Variants in NUP58 observed in about 807,000 individuals in gnomAD.
NUP58 encodes nucleoporin p58/p45.
In NUP58, 17 loss-of-function variants were observed where a neutral mutation model predicts 70.1. The ratio of observed to expected loss-of-function variants is 0.24; its 90% CI spans 0.17 to 0.36. NUP58 has a LOEUF of 0.36. NUP58 is among the 10% of genes least tolerant of loss of function. The pLI is 1.00. For missense variants in NUP58, 644 were observed against 701.5 expected, an observed-to-expected ratio of 0.92 and a Z score of 0.93; for synonymous variants, 275 against 257.6, an observed-to-expected ratio of 1.07 and a Z score of -0.65.
chr13:25,332,119 G>C, intron 13 of NUP58: 5 of 990,394 alleles, frequency 5.0e-6, no homozygotes, highest in Non-Finnish European at 6.0e-6. Flanking sequence ...TTTTGAAGAT[G>C]ATACATGCTA....
chr13:25,305,129 G>GTTTT (rs1566054875), intron 1 of NUP58, among the ~76,000 whole-genome samples: 2 of 72,050 alleles, frequency 2.8e-5, no homozygotes, highest in African/African-American at 9.0e-5. Context: ...AGATCTGTGG[G>GTTTT]GTTTTTTTTT....
chr13:25,340,820 AG>A lies in NUP58; in HGVS notation c.*688del. ...ATAATCCCAGCTACTCGGGAGGCTG[AG>A]GCACGAGAATCACTTGAAGCCGGGA... On this transcript the variant is annotated 3_prime_UTR_variant, in exon 16 of 16. Coordinates refer to ENST00000381736, the MANE Select transcript of NUP58 (RefSeq NM_014089.4). The A allele has an allele frequency of 6.6e-6, 1 of 152,108 alleles. No homozygotes were observed. Among genetic ancestry groups the A allele is most frequent in the East Asian group, 1.9e-4 (1 of 5,178 alleles). 9.4% of individuals were successfully genotyped at this position (152,108 alleles called of 1,614,324 possible).
Position 25,342,109 on chromosome 13 carries a change from T to C in NUP58, c.*1975T>C, listed in dbSNP as rs9511761. The C allele has an allele frequency of 6.6e-6, 1 of 152,592 alleles. No homozygotes were observed. Among genetic ancestry groups the C allele is most frequent in the South Asian group, 2.1e-4 (1 of 4,832 alleles). The allele number at this position is 152,592 out of a possible 1,614,324, so 9.5% of individuals were successfully genotyped here. ...TTTGCATATTTCTGTAATATTGCAG[T>C]CCCCAGATCCAGAACATGGGAAGTT... On this transcript the variant is annotated 3_prime_UTR_variant, in exon 16 of 16. Coordinates refer to ENST00000381736, the MANE Select transcript of NUP58 (RefSeq NM_014089.4).
At chr13:25,327,282 CTG>C (rs1417052420) in intron 11 of NUP58, 146 bp from the exon 12 acceptor site, 2 of 579,860 alleles carry the variant, frequency 3.4e-6, no homozygotes, top group Admixed American at 6.8e-5. Flanking sequence ...GTCTGCTACT[CTG>C]TGTGTTCTCT....
Position 25,305,130 on chromosome 13 carries a change from G to GTTTTTTTTTTTTTTTTTTTTTT in NUP58, c.108-2666_108-2645dup, listed in dbSNP as rs562132125. 1.2e-4 allele frequency among the ~76,000 whole-genome samples: 7 copies of GTTTTTTTTTTTTTTTTTTTTTT among 58,568 alleles called. 1 individual carries two copies. Among genetic ancestry groups the GTTTTTTTTTTTTTTTTTTTTTT allele is most frequent in the African/African-American group, 3.1e-4 (6 of 19,508 alleles). 38.4% of individuals were successfully genotyped at this position (58,568 alleles called of 152,430 possible). A position where few individuals can be genotyped will look rare whatever the true frequency, so the allele number is the denominator to read the frequency against. On this transcript the variant is annotated intron_variant, in intron 1 of 15. Transcript: ENST00000381736. ...GACTAAATGTTTAAAGATCTGTGGGGTTTTTTTTTTTTTTTTTTTTTTTTT... is the reference window on the plus strand; with the variant it reads ...GACTAAATGTTTAAAGATCTGTGGGGTTTTTTTTTTTTTTTTTTTTTTTTTTTTTTTTTTTTTTTTTTTTTTT...
downstream of NUP58, among the ~76,000 whole-genome samples, chr13:25,344,846 T>C (rs919123397): frequency 6.6e-6 from 1 of 152,210 alleles, no homozygotes; most frequent in Non-Finnish European, 1.5e-5. Context: ...TTTCCTGTCC[T>C]TTCTGATGAT....
rs1222731742 is a variant in NUP58 at position 25,301,659 on chromosome 13, C to G, written c.-115C>G. Reference sequence around the variant, plus strand: ...TTCGCCGCCGTTGGGGCTGGAAGTTCCCGCCAGGTCCGTGCCGGGCGAGAG... The same window carrying G: ...TTCGCCGCCGTTGGGGCTGGAAGTTGCCGCCAGGTCCGTGCCGGGCGAGAG... On this transcript the variant is annotated 5_prime_UTR_variant, in exon 1 of 16. Coordinates refer to ENST00000381736, the MANE Select transcript of NUP58 (RefSeq NM_014089.4). 2 of 522,354 alleles carry G rather than the reference C, an allele frequency of 3.8e-6. No individual in the cohort carries two copies. The highest frequency in any genetic ancestry group is 6.4e-6 in the Non-Finnish European group (2 of 314,634). The allele number at this position is 522,354 out of a possible 1,614,324, so 32.4% of individuals were successfully genotyped here.
At position 25,320,594 on chromosome 13, in the gene NUP58, CAGTA is replaced by C; in HGVS notation, c.776+3_776+6del. 6.3e-7 allele frequency: 1 copy of C among 1,590,798 alleles called. No homozygotes were observed. The highest frequency in any genetic ancestry group is 8.6e-7 in the Non-Finnish European group (1 of 1,159,886). On this transcript the variant is annotated splice_donor_variant and splice_donor_region_variant and coding_sequence_variant and intron_variant, in exon 8 of 16. Transcript: ENST00000381736. LOFTEE classifies it high-confidence loss of function. ...CATCTGCCAGGATGTTGAAAATCTC[CAGTA>C]AGTGTCAAATATAATTAGATAAATA...
chr13:25,305,732 G>A (rs1487475796), intron 1 of NUP58, among the ~76,000 whole-genome samples: 1 of 152,078 alleles, frequency 6.6e-6, no homozygotes, highest in African/African-American at 2.4e-5. Context: ...CTTACTTATA[G>A]TAATTCTAAA....
chr13:25,329,224 G>A (rs2031514735), intron 12 of NUP58, among the ~76,000 whole-genome samples: 1 of 151,996 alleles, frequency 6.6e-6, no homozygotes. Flanking sequence ...CACAAAAGTA[G>A]GCTATCATTA....
intron 3 of NUP58, among the ~76,000 whole-genome samples, chr13:25,311,229 TGAG>T (rs1409098340): frequency 2.0e-5 from 3 of 152,048 alleles, no homozygotes; most frequent in African/African-American, 7.2e-5. Context: ...AGTTGAGAAT[TGAG>T]GAGCAGGTTG....
chr13:25,324,984 A>G lies in NUP58; in HGVS notation c.952-5A>G. ...TTTTTTTTTTTAAATCCTCTGGTAT[A>G]TTAGGAGTTGAAGAATGCTGAAATA... is the stretch of plus-strand genomic sequence containing the variant. On this transcript the variant is annotated splice_polypyrimidine_tract_variant and splice_region_variant and intron_variant, in intron 9 of 15. Coordinates refer to ENST00000381736, the MANE Select transcript of NUP58 (RefSeq NM_014089.4). 6.7e-7 allele frequency: 1 copy of G among 1,492,886 alleles called. No homozygotes were observed. The highest frequency in any genetic ancestry group is 1.2e-5 in the South Asian group (1 of 85,470). The allele number at this position is 1,492,886 out of a possible 1,614,324, so 92.5% of individuals were successfully genotyped here.
intron 10 of NUP58, among the ~76,000 whole-genome samples, chr13:25,326,349 T>A (rs74335654): frequency 1.3e-5 from 2 of 151,996 alleles, no homozygotes; most frequent in Middle Eastern, 3.2e-3. Context: ...TTTTTTTTTT[T>A]ATCTGTCTAG....
At position 25,331,378 on chromosome 13, in the gene NUP58, G is replaced by C. The variant is rs775392152; in HGVS notation, c.1255G>C (p.Gly419Arg). 5 of 1,614,016 alleles carry C rather than the reference G, an allele frequency of 3.1e-6. No individual in the cohort carries two copies. The highest frequency in any genetic ancestry group is 4.2e-6 in the Non-Finnish European group (5 of 1,179,978). ...TTAGGTTCTGAAAGAACAGTACCTTGGCTACAGGAAAATGTTCTTGGGAGA... is the reference window on the plus strand; with the variant it reads ...TTAGGTTCTGAAAGAACAGTACCTTCGCTACAGGAAAATGTTCTTGGGAGA... ...NVKVLKEQYL[G>R]YRKMFLGDAV... The change falls in exon 13 of 16, where the codon GGC (glycine) becomes CGC (arginine). Residue 419 changes from glycine (G) to arginine (R), a missense_variant. Transcript: ENST00000381736.
At chr13:25,333,669 G>A (rs2031686511) in intron 13 of NUP58, 1 of 985,238 alleles carries the variant, frequency 1.0e-6, no homozygotes, top group Non-Finnish European at 1.2e-6. Context: ...TCACCATGAT[G>A]TGAGATTTCT....
intron 13 of NUP58, 65 bp from the exon 14 acceptor site, chr13:25,336,871 A>T: frequency 1.0e-6 from 1 of 955,498 alleles, no homozygotes; most frequent in Non-Finnish European, 1.6e-6. Context: ...AAGAATCTTT[A>T]ATCTTGAAAG....
Position 25,324,967 on chromosome 13 carries a change from TTTA to T in NUP58, c.952-21_952-19del. On this transcript the variant is annotated intron_variant, in intron 9 of 15. Coordinates refer to ENST00000381736, the MANE Select transcript of NUP58 (RefSeq NM_014089.4). ...CTCTTAACTGGCTTTTTTTTTTTTT[TTTA>T]AATCCTCTGGTATATTAGGAGTTGA... 1 of 1,489,698 alleles carries T rather than the reference TTTA, an allele frequency of 6.7e-7. No individual in the cohort carries two copies. Among genetic ancestry groups the T allele is most frequent in the Non-Finnish European group, 9.1e-7 (1 of 1,098,364 alleles). 92.3% of individuals were successfully genotyped at this position (1,489,698 alleles called of 1,614,324 possible).
Position 25,312,760 on chromosome 13 carries a change from T to C in NUP58, c.287-123T>C, listed in dbSNP as rs888358307. The C allele has an allele frequency of 2.5e-5, 22 of 871,806 alleles. No individual in the cohort carries two copies. In the East Asian group the frequency reaches 4.0e-4, roughly 16 times the overall value. 54.0% of individuals were successfully genotyped at this position (871,806 alleles called of 1,614,324 possible). ...ATTTTCTCTCACAGATACACCCTTCTTCTATTGGCAAAAGGTAGTATCATG... is the reference window on the plus strand; with the variant it reads ...ATTTTCTCTCACAGATACACCCTTCCTCTATTGGCAAAAGGTAGTATCATG... On this transcript the variant is annotated intron_variant, in intron 3 of 15. Transcript: ENST00000381736.
At chr13:25,312,764 A>C (rs1488088084) in intron 3 of NUP58, 119 bp from the exon 4 acceptor site, 1 of 916,346 alleles carries the variant, frequency 1.1e-6, no homozygotes, top group Non-Finnish European at 1.6e-6. Context: ...CCCTTCTTCT[A>C]TTGGCAAAAG....
Sources: allele counts gnomAD v4.1 joint callset (sites outside exome capture counted in the v4.1 genomes callset), GRCh38; gene constraint gnomAD v4.1.1; transcripts MANE v1.5; gene names NCBI Gene and HGNC (gene_info 2026-07-23, HGNC 2026-07-21).